The following DNAAF4 variants were observed in gnomAD, a reference collection of about 807,000 sequenced individuals.
The protein encoded by DNAAF4 is dynein axonemal assembly factor 4.
In DNAAF4, 43 loss-of-function variants were observed where a neutral mutation model predicts 51.8. The observed-to-expected ratio is 0.83, with a 90% CI of 0.65 to 1.07. The LOEUF is 1.07. Among genes scored for constraint, DNAAF4 ranks in the 50% least tolerant of loss-of-function variants. The pLI is 0.00. For synonymous variants in DNAAF4, 194 were observed against 165.6 expected, an observed-to-expected ratio of 1.17 and a Z score of -1.32; for missense variants, 581 against 493.0, an observed-to-expected ratio of 1.18 and a Z score of -1.69.
At chr15:55,475,721 A>C (rs776872747) in intron 4 of DNAAF4, among the ~76,000 whole-genome samples, 24 of 152,210 alleles carry the variant, frequency 1.6e-4, no homozygotes, top group Non-Finnish European at 2.1e-4. Context: ...AACCCATACC[A>C]ACATGAAACT....
At chr15:55,468,593 C>T (rs2058203351) in intron 4 of DNAAF4, among the ~76,000 whole-genome samples, 1 of 152,188 alleles carries the variant, frequency 6.6e-6, no homozygotes, top group African/African-American at 2.4e-5. Context: ...AAGACGACTT[C>T]ACCCAGCCTA....
chr15:55,442,824 A>C, intron 6 of DNAAF4: 1 of 1,612,914 alleles, frequency 6.2e-7, no homozygotes, highest in Non-Finnish European at 8.5e-7. Flanking sequence ...TGAGATTGGC[A>C]GTCATGACGA....
chr15:55,433,427 C>T (rs2057528462), intron 8 of DNAAF4, among the ~76,000 whole-genome samples: 1 of 152,018 alleles, frequency 6.6e-6, no homozygotes, highest in Non-Finnish European at 1.5e-5. Context: ...GAGATCGAGA[C>T]CATCCTGGCT....
intron 4 of DNAAF4, among the ~76,000 whole-genome samples, chr15:55,476,017 T>C (rs2058330206): frequency 6.6e-6 from 1 of 152,146 alleles, no homozygotes; most frequent in South Asian, 2.1e-4. Flanking sequence ...AATGACATGT[T>C]CAAAGTACCG....
At chr15:55,482,612 G>C (rs2058427672) in intron 4 of DNAAF4, among the ~76,000 whole-genome samples, 1 of 152,290 alleles carries the variant, frequency 6.6e-6, no homozygotes, top group Non-Finnish European at 1.5e-5. Context: ...CCAGGAAGGA[G>C]AGGTTGCAGT....
At position 55,433,622 on chromosome 15, in the gene DNAAF4, T is replaced by C. The variant is rs1298696440; in HGVS notation, c.1048-1020A>G. 1.3e-4 allele frequency among the ~76,000 whole-genome samples: 12 copies of C among 94,476 alleles called. No individual in the cohort carries two copies. The Admixed American group carries it at 1.4e-3, about 11-fold the overall frequency. 62.0% of individuals were successfully genotyped at this position (94,476 alleles called of 152,430 possible). A position where few individuals can be genotyped will look rare whatever the true frequency, so the allele number is the denominator to read the frequency against. On this transcript the variant is annotated intron_variant, in intron 8 of 9. Transcript: ENST00000321149. Reference sequence around the variant, plus strand: ...GCCTGGGCAACAGAGCAAGACCTCGTCTCAAAAAAAAAAAAAAAAAAATGG... The same window carrying C: ...GCCTGGGCAACAGAGCAAGACCTCGCCTCAAAAAAAAAAAAAAAAAAATGG...
intron 1 of DNAAF4, 115 bp from the exon 2 acceptor site, chr15:55,498,699 A>C (rs982503050): frequency 5.6e-6 from 1 of 177,390 alleles, no homozygotes; most frequent in Non-Finnish European, 1.2e-5. Flanking sequence ...TGAGGTTGGG[A>C]GTTCGAGACC....
chr15:55,439,433 T>A (rs368589368), intron 7 of DNAAF4, 39 bp downstream of exon 7: 49 of 1,530,694 alleles, frequency 3.2e-5, no homozygotes, highest in Middle Eastern at 1.7e-4. Context: ...AATGTCTTCA[T>A]ACATGATAAA....
chr15:55,429,643 C>T (rs2057467443), downstream of DNAAF4, among the ~76,000 whole-genome samples: 1 of 151,854 alleles, frequency 6.6e-6, no homozygotes, highest in African/African-American at 2.4e-5. Context: ...TGGTGAAACC[C>T]CATCTCTACT....
chr15:55,463,212 A>ACG (rs55837637), intron 5 of DNAAF4, among the ~76,000 whole-genome samples: 1 of 151,296 alleles, frequency 6.6e-6, no homozygotes, highest in Non-Finnish European at 1.5e-5. Context: ...ACACACACAC[A>ACG]AAGCATTTGA....
At position 55,497,803 on chromosome 15, in the gene DNAAF4, C is replaced by G. The variant is rs373804332; in HGVS notation, c.180G>C (p.Glu60Asp). ...EAFLYAPIDD[E>D]SSKAKIGNDT... ...CATTCCCAATCTTTGCTTTGCTGCT[C>G]TCATCGTCTATGGGAGCATAAAGAA... is the stretch of plus-strand genomic sequence containing the variant. Residue 60 changes from glutamate to aspartate, a missense_variant, in exon 3 of 10, where the codon GAG (glutamate) becomes GAC (aspartate). By Grantham distance (45) the Glu-to-Asp change is conservative. Coordinates refer to ENST00000321149, the MANE Select transcript of DNAAF4 (RefSeq NM_130810.4). The G allele has an allele frequency of 1.2e-4, 191 of 1,613,726 alleles. No individual in the cohort carries two copies. Among genetic ancestry groups the G allele is most frequent in the Non-Finnish European group, 1.6e-4 (185 of 1,179,972 alleles).
intron 5 of DNAAF4, among the ~76,000 whole-genome samples, chr15:55,465,789 C>T (rs1335777012): frequency 2.0e-5 from 3 of 152,052 alleles, no homozygotes; most frequent in Non-Finnish European, 4.4e-5. Flanking sequence ...TGGTCTCGAA[C>T]TCCCAACCTC....
intron 5 of DNAAF4, among the ~76,000 whole-genome samples, chr15:55,457,774 C>G (rs1450556764): frequency 6.6e-6 from 1 of 152,148 alleles, no homozygotes; most frequent in Admixed American, 6.6e-5. Context: ...AACAAAATTA[C>G]AACAAAAGAC....
intron 9 of DNAAF4, among the ~76,000 whole-genome samples, chr15:55,431,391 A>C (rs1469886189): frequency 2.9e-4 from 41 of 139,276 alleles, no homozygotes; most frequent in African/African-American, 1.1e-3. Context: ...CACACACACA[A>C]ATACATACAT....
intron 6 of DNAAF4, among the ~76,000 whole-genome samples, chr15:55,443,880 G>A (rs2057755201): frequency 6.6e-6 from 1 of 152,124 alleles, no homozygotes; most frequent in Admixed American, 6.6e-5. Context: ...CTTCACCCAT[G>A]TTTCGATGGG....
At position 55,490,789 on chromosome 15, in the gene DNAAF4, T is replaced by C. The variant is rs574218105; in HGVS notation, c.405+334A>G. On this transcript the variant is annotated intron_variant, in intron 4 of 9. Coordinates refer to ENST00000321149, the MANE Select transcript of DNAAF4 (RefSeq NM_130810.4). Reference sequence around the variant, plus strand: ...TAACACGGTGAAACCCTGTCTCTACTAAAAACACAAAAAAATTAGCCTGGC... The same window carrying C: ...TAACACGGTGAAACCCTGTCTCTACCAAAAACACAAAAAAATTAGCCTGGC... Among the ~76,000 whole-genome samples, 56 of 152,050 alleles carry C rather than the reference T, an allele frequency of 3.7e-4. No homozygotes were observed. The South Asian group carries it at 5.6e-3, about 15-fold the overall frequency.
rs539660599 is a variant in DNAAF4, at chr15:55,487,128, G to A, written c.405+3995C>T. 1.1e-4 allele frequency among the ~76,000 whole-genome samples: 16 copies of A among 152,308 alleles called. No individual in the cohort carries two copies. In the East Asian group the frequency reaches 2.9e-3, roughly 28 times the overall value. On this transcript the variant is annotated intron_variant, in intron 4 of 9. Coordinates refer to ENST00000321149, the MANE Select transcript of DNAAF4 (RefSeq NM_130810.4). ...GCCAGCTGGACTTCCTGGGTCAAGT[G>A]GGGACTTGGAGAACTTTTCCTGTCT...
At chr15:55,481,152 A>G (rs2058404164) in intron 4 of DNAAF4, among the ~76,000 whole-genome samples, 2 of 152,138 alleles carry the variant, frequency 1.3e-5, no homozygotes, top group South Asian at 4.1e-4. Context: ...AAATTACCCG[A>G]TCTTGGGTAT....
At chr15:55,436,418 A>G (rs2057611692) in intron 7 of DNAAF4, among the ~76,000 whole-genome samples, 1 of 151,972 alleles carries the variant, frequency 6.6e-6, no homozygotes, top group Non-Finnish European at 1.5e-5. Flanking sequence ...CAGTCTTGCT[A>G]AATTGCCCAG....
Sources: allele counts gnomAD v4.1 joint callset (sites outside exome capture counted in the v4.1 genomes callset), GRCh38; gene constraint gnomAD v4.1.1; transcripts MANE v1.5; gene names NCBI Gene and HGNC (gene_info 2026-07-23, HGNC 2026-07-21).